Variants in KYNU observed in about 807,000 individuals in gnomAD.
KYNU encodes L-kynurenine hydrolase.
Under a neutral mutation model 59.2 loss-of-function variants are expected in KYNU, and 54 were observed. That is an observed-to-expected ratio of 0.91 (90% CI 0.73 to 1.14). KYNU has a LOEUF of 1.14. KYNU is among the 50% of genes most tolerant of loss of function. KYNU has a pLI of 0.00. For synonymous variants in KYNU, 177 were observed against 192.0 expected, an observed-to-expected ratio of 0.92 and a Z score of 0.65; for missense variants, 567 against 554.4, an observed-to-expected ratio of 1.02 and a Z score of -0.23.
intron 10 of KYNU, among the ~76,000 whole-genome samples, chr2:143,014,051 A>G (rs1226698420): frequency 6.6e-6 from 1 of 152,252 alleles, no homozygotes; most frequent in Admixed American, 6.5e-5. Context: ...TTTAGAGGAT[A>G]TAGTATGAAC....
At chr2:142,908,917 A>C (rs1682389575) in intron 2 of KYNU, among the ~76,000 whole-genome samples, 1 of 152,214 alleles carries the variant, frequency 6.6e-6, no homozygotes, top group African/African-American at 2.4e-5. Flanking sequence ...TACAGGTGTG[A>C]GACACCGTGC....
Position 143,002,503 on chromosome 2 carries a change from T to A in KYNU, c.902+16482T>A, listed in dbSNP as rs541947852. Among the ~76,000 whole-genome samples the A allele has an allele frequency of 2.6e-5, 4 of 152,348 alleles. No homozygotes were observed. The South Asian group carries it at 8.3e-4, about 32-fold the overall frequency. On this transcript the variant is annotated intron_variant, in intron 10 of 13. Transcript: ENST00000264170. The stretch of plus-strand genomic sequence containing the variant: ...TGTTTGAACGCTAGGTCTTTGATGT[T>A]TCTGTCAGATATACCCAGCAATCAT...
At chr2:142,938,624 A>G (rs958805810) in intron 4 of KYNU, among the ~76,000 whole-genome samples, 2 of 152,238 alleles carry the variant, frequency 1.3e-5, no homozygotes, top group Non-Finnish European at 2.9e-5. Flanking sequence ...CCTTTAAGCC[A>G]AACTTGAAAT....
At position 143,048,316 on chromosome 2, in the gene KYNU, A is replaced by C. The variant is rs905902983; in HGVS notation, c.*6144A>C. 1.3e-5 allele frequency: 2 copies of C among 152,210 alleles called. No homozygotes were observed. Among genetic ancestry groups the C allele is most frequent in the Non-Finnish European group, 2.9e-5 (2 of 68,044 alleles). 9.4% of individuals were successfully genotyped at this position (152,210 alleles called of 1,614,324 possible). ...CTGGCTATTTTAACATGCAAATATA[A>C]TGAAGTTTAGAATTAGCCATTTTTT... On this transcript the variant is annotated 3_prime_UTR_variant, in exon 14 of 14. Coordinates refer to ENST00000264170, the MANE Select transcript of KYNU (RefSeq NM_003937.3).
At chr2:142,998,880 A>G (rs1685622406) in intron 10 of KYNU, among the ~76,000 whole-genome samples, 1 of 151,814 alleles carries the variant, frequency 6.6e-6, no homozygotes. Flanking sequence ...GTAGTGGTGC[A>G]TGCCTATAAT....
At chr2:142,880,373 C>T (rs1681252431) in intron 1 of KYNU, among the ~76,000 whole-genome samples, 1 of 152,210 alleles carries the variant, frequency 6.6e-6, no homozygotes, top group South Asian at 2.1e-4. Flanking sequence ...CAGTGACTTG[C>T]AAGATGGGCT....
In KYNU at chr2:143,043,825, A is replaced by T. The variant is rs1037825582; in HGVS notation, c.*1653A>T. 1.4e-5 allele frequency: 2 copies of T among 147,326 alleles called. No homozygotes were observed. The highest frequency in any genetic ancestry group is 4.9e-5 in the African/African-American group (2 of 40,562). The allele number at this position is 147,326 out of a possible 1,614,324, so 9.1% of individuals were successfully genotyped here. ...TATAAATATATATAAAGTATAATAT[A>T]TATAAAGTATAAATATATATATATT... On this transcript the variant is annotated 3_prime_UTR_variant, in exon 14 of 14. Transcript: ENST00000264170.
intron 8 of KYNU, among the ~76,000 whole-genome samples, chr2:142,980,620 G>T (rs571992585): frequency 6.6e-6 from 1 of 152,200 alleles, no homozygotes; most frequent in East Asian, 1.9e-4. Flanking sequence ...AGGAAGGCAG[G>T]CTGGAAATAA....
chr2:142,884,414 A>C (rs1681416133), intron 1 of KYNU, among the ~76,000 whole-genome samples: 1 of 152,220 alleles, frequency 6.6e-6, no homozygotes, highest in South Asian at 2.1e-4. Context: ...GGGGTGGGAC[A>C]GTGGAGTTGG....
chr2:142,883,832 T>C (rs1417096689), intron 1 of KYNU, among the ~76,000 whole-genome samples: 1 of 152,236 alleles, frequency 6.6e-6, no homozygotes, highest in Non-Finnish European at 1.5e-5. Context: ...AAATAAATTG[T>C]ACAAGGGTTG....
chr2:143,054,176 T>G lies in KYNU; in HGVS notation c.*12004T>G, dbSNP rs1208833056. ...TTTCATTTAATTTTTATAAATTTTC[T>G]TTTTAAATTTTAGATTCTACAATAT... On this transcript the variant is annotated 3_prime_UTR_variant, in exon 14 of 14. Transcript: ENST00000264170. The G allele has an allele frequency of 6.6e-6, 1 of 152,186 alleles. No individual in the cohort carries two copies. Among genetic ancestry groups the G allele is most frequent in the Non-Finnish European group, 1.5e-5 (1 of 68,028 alleles). 9.4% of individuals were successfully genotyped at this position (152,186 alleles called of 1,614,324 possible). A position where few individuals can be genotyped will look rare whatever the true frequency, so the allele number is the denominator to read the frequency against.
chr2:143,037,505 G>A (rs1686922968), intron 12 of KYNU, among the ~76,000 whole-genome samples: 1 of 152,084 alleles, frequency 6.6e-6, no homozygotes, highest in Non-Finnish European at 1.5e-5. Context: ...ACAAAGAAAT[G>A]TACTATACGT....
At chr2:142,973,266 T>C (rs963514379) in intron 8 of KYNU, among the ~76,000 whole-genome samples, 2 of 151,994 alleles carry the variant, frequency 1.3e-5, no homozygotes, top group Admixed American at 1.3e-4. Flanking sequence ...CTCTTGAGAA[T>C]ATTGAAAACT....
chr2:142,972,813 T>TATATATATAG (rs1478067181), intron 8 of KYNU, among the ~76,000 whole-genome samples: 6 of 124,202 alleles, frequency 4.8e-5, no homozygotes, highest in South Asian at 2.8e-4. Context: ...TATATATATA[T>TATATATATAG]AGAGAGAGAG....
intron 13 of KYNU, among the ~76,000 whole-genome samples, chr2:143,041,736 G>T (rs1182834654): frequency 6.6e-6 from 1 of 151,316 alleles, no homozygotes. Context: ...CTTCCATGGG[G>T]TCCCCACGGG....
chr2:142,985,967 G>A lies in KYNU; in HGVS notation c.848G>A (p.Gly283Glu), dbSNP rs767872659. 6.3e-5 allele frequency: 101 copies of A among 1,609,084 alleles called. No homozygotes were observed. The highest frequency in any genetic ancestry group is 2.8e-4 in the Admixed American group (17 of 59,728). Residue 283 changes from glycine (G) to glutamate (E), a missense_variant, in exon 10 of 14, where the codon GGA becomes GAA. By Grantham distance (98) the Gly-to-Glu change is moderately conservative. Transcript: ENST00000264170. ...CSYKYLNAGA[G>E]GIAGAFIHEK... ...ATCTAGTATTTAAATGCAGGAGCAG[G>A]AGGAATTGCTGGTGCCTTCATTCAT... is the stretch of plus-strand genomic sequence containing the variant.
At chr2:142,962,494 T>A (rs1386449131) in intron 8 of KYNU, among the ~76,000 whole-genome samples, 1 of 152,240 alleles carries the variant, frequency 6.6e-6, no homozygotes, top group Admixed American at 6.5e-5. Flanking sequence ...AGACACTTTC[T>A]TTTGTTTCCC....
chr2:142,989,299 T>C, intron 10 of KYNU: 1 of 830,844 alleles, frequency 1.2e-6, no homozygotes, highest in Non-Finnish European at 1.5e-6. Context: ...GGTTTAACTA[T>C]GTTTAATAAG....
intron 12 of KYNU, among the ~76,000 whole-genome samples, chr2:143,040,040 C>T (rs1051421850): frequency 6.6e-6 from 1 of 152,074 alleles, no homozygotes; most frequent in African/African-American, 2.4e-5. Context: ...TTTTGTTCAT[C>T]CCAGCCTTTG....
Sources: gnomAD v4.1 joint callset for allele counts (sites outside exome capture counted in the v4.1 genomes callset) on GRCh38, gnomAD v4.1.1 for gene constraint, MANE v1.5 for transcripts, NCBI Gene and HGNC (gene_info 2026-07-23, HGNC 2026-07-21) for gene names.